The following TRHDE variants were observed in gnomAD, a reference collection of about 807,000 sequenced individuals.
TRHDE encodes the protein thyrotropin-releasing hormone-degrading ectoenzyme.
In TRHDE, 72 loss-of-function variants were observed where a neutral mutation model predicts 125.7. The ratio of observed to expected loss-of-function variants is 0.57; its 90% CI spans 0.47 to 0.70. The LOEUF is 0.70. TRHDE is among the 30% of genes least tolerant of loss of function. TRHDE has a pLI of 0.00. For synonymous variants in TRHDE, 509 were observed against 509.1 expected (o/e 1.00, Z 0.00); for missense variants, 1,110 against 1,327.1 (o/e 0.84, Z 2.54).
At chr12:72,248,609 A>G (rs1454492651) in intron 2 of TRHDE, among the ~76,000 whole-genome samples, 2 of 152,126 alleles carry the variant, frequency 1.3e-5, no homozygotes, top group Non-Finnish European at 2.9e-5. Flanking sequence ...ACAAATGCAG[A>G]AGGTTTAGAA....
intron 2 of TRHDE, among the ~76,000 whole-genome samples, chr12:72,350,498 A>G (rs1449600635): frequency 2.0e-5 from 3 of 152,062 alleles, no homozygotes; most frequent in African/African-American, 7.2e-5. Context: ...AGCTTGTCCA[A>G]GGACATATAC....
intron 3 of TRHDE, among the ~76,000 whole-genome samples, chr12:72,408,928 G>A (rs973222708): frequency 7.2e-5 from 11 of 152,176 alleles, no homozygotes; most frequent in African/African-American, 2.6e-4. Context: ...ATGTCTAATC[G>A]GAGTTCCAGA....
intron 12 of TRHDE, among the ~76,000 whole-genome samples, chr12:72,600,393 A>AAAAAC (rs1872161563): frequency 6.6e-6 from 1 of 152,140 alleles, no homozygotes; most frequent in East Asian, 1.9e-4. Flanking sequence ...ATGAACATGG[A>AAAAAC]ATGTTTTTCC....
intron 6 of TRHDE, among the ~76,000 whole-genome samples, chr12:72,518,064 A>G (rs1017115348): frequency 2.0e-5 from 3 of 148,398 alleles, no homozygotes; most frequent in African/African-American, 5.1e-5. Context: ...TTTACTTCCA[A>G]GTATGTGGTC....
At chr12:72,155,753 G>T (rs962178518) in intron 2 of TRHDE, among the ~76,000 whole-genome samples, 2 of 152,204 alleles carry the variant, frequency 1.3e-5, no homozygotes, top group African/African-American at 4.8e-5. Context: ...TCCTCTGGAA[G>T]TTTTGTCTCA....
intron 2 of TRHDE, among the ~76,000 whole-genome samples, chr12:72,356,108 A>G (rs188289289): frequency 2.3e-4 from 35 of 151,864 alleles, no homozygotes; most frequent in Admixed American, 7.9e-4. Flanking sequence ...TTGCAGCACT[A>G]TTCACAATAG....
intron 2 of TRHDE, among the ~76,000 whole-genome samples, chr12:72,301,977 A>G (rs538098531): frequency 6.6e-6 from 1 of 152,354 alleles, no homozygotes; most frequent in East Asian, 1.9e-4. Context: ...GCATAGTGCT[A>G]CAGTGGAAAG....
intron 12 of TRHDE, among the ~76,000 whole-genome samples, chr12:72,587,844 T>A (rs1871507443): frequency 6.6e-6 from 1 of 152,174 alleles, no homozygotes; most frequent in South Asian, 2.1e-4. Context: ...GGCAGAAATA[T>A]GTTCTTAATT....
intron 2 of TRHDE, among the ~76,000 whole-genome samples, chr12:72,117,473 A>G (rs1264298372): frequency 6.6e-6 from 1 of 152,102 alleles, no homozygotes; most frequent in Non-Finnish European, 1.5e-5. Flanking sequence ...TGTTTTGACT[A>G]CTACAGTTCT....
chr12:72,547,819 A>C (rs1869493031), intron 7 of TRHDE, among the ~76,000 whole-genome samples: 1 of 151,910 alleles, frequency 6.6e-6, no homozygotes, highest in South Asian at 2.1e-4. Context: ...AAGCAGAGTC[A>C]GTGAGAAATG....
At chr12:72,553,600 A>C (rs938878865) in intron 7 of TRHDE, among the ~76,000 whole-genome samples, 4 of 151,826 alleles carry the variant, frequency 2.6e-5, no homozygotes, top group Non-Finnish European at 5.9e-5. Context: ...AGGCTGCTAG[A>C]CCCCACAACT....
chr12:72,485,900 C>G (rs1021363066), intron 5 of TRHDE, among the ~76,000 whole-genome samples: 2 of 152,054 alleles, frequency 1.3e-5, no homozygotes, highest in Non-Finnish European at 2.9e-5. Context: ...CTTCAGCTCC[C>G]AAGCCGTATT....
chr12:72,277,287 A>G (rs1320506142), intron 1 of TRHDE, among the ~76,000 whole-genome samples: 1 of 152,158 alleles, frequency 6.6e-6, no homozygotes, highest in Admixed American at 6.5e-5. Context: ...ATCTCTGGGT[A>G]GGCATTTGCT....
At chr12:72,605,649 C>T (rs1001034653) in intron 12 of TRHDE, among the ~76,000 whole-genome samples, 1 of 152,036 alleles carries the variant, frequency 6.6e-6, no homozygotes. Flanking sequence ...TGGAATACAG[C>T]ATAATATTCT....
At chr12:72,624,188 A>G (rs1204038379) in intron 15 of TRHDE, among the ~76,000 whole-genome samples, 1 of 151,974 alleles carries the variant, frequency 6.6e-6, no homozygotes, top group African/African-American at 2.4e-5. Flanking sequence ...TAATTAAACA[A>G]TAATGCAATC....
chr12:72,353,435 A>C (rs1370284651), intron 2 of TRHDE, among the ~76,000 whole-genome samples: 3 of 151,716 alleles, frequency 2.0e-5, no homozygotes, highest in Non-Finnish European at 4.4e-5. Context: ...TGAAAAATAA[A>C]AGTAAAAAAT....
At chr12:72,507,355 T>C (rs1446248266) in intron 6 of TRHDE, among the ~76,000 whole-genome samples, 1 of 152,202 alleles carries the variant, frequency 6.6e-6, no homozygotes, top group Non-Finnish European at 1.5e-5. Context: ...TGGGAAAGTT[T>C]GGAACTCACT....
intron 2 of TRHDE, among the ~76,000 whole-genome samples, chr12:72,223,441 A>G (rs900631951): frequency 6.6e-6 from 1 of 152,164 alleles, no homozygotes; most frequent in African/African-American, 2.4e-5. Flanking sequence ...TAAAGTAGGC[A>G]GGGAAGAGCA....
chr12:72,183,756 C>T (rs1877145464), intron 2 of TRHDE, among the ~76,000 whole-genome samples: 1 of 151,966 alleles, frequency 6.6e-6, no homozygotes. Flanking sequence ...GGTGCCCAAA[C>T]CCCAGTTAAA....
Sources: gnomAD v4.1 joint callset for allele counts (sites outside exome capture counted in the v4.1 genomes callset) on GRCh38, gnomAD v4.1.1 for gene constraint, MANE v1.5 for transcripts, NCBI Gene and HGNC (gene_info 2026-07-23, HGNC 2026-07-21) for gene names.